The following MAL variants were observed in gnomAD, a reference collection of about 807,000 sequenced individuals.
The protein encoded by MAL is myelin and lymphocyte protein.
Under a neutral mutation model 16.7 loss-of-function variants are expected in MAL, and 5 were observed. The observed-to-expected ratio is 0.30, with a 90% CI of 0.16 to 0.63. The LOEUF is 0.63. Ranked by LOEUF, MAL falls within the 30% of genes least tolerant of loss-of-function variation. The probability of loss-of-function intolerance (pLI) is 0.82; values close to 1 mark genes in which losing one functional copy is unlikely to be tolerated. For missense variants in MAL, 202 were observed against 195.8 expected, an observed-to-expected ratio of 1.03 and a Z score of -0.19; for synonymous variants, 96 against 85.5, an observed-to-expected ratio of 1.12 and a Z score of -0.67.
intron 1 of MAL, among the ~76,000 whole-genome samples, chr2:95,038,837 T>C (rs1379002024): frequency 7.0e-6 from 1 of 142,564 alleles, no homozygotes; most frequent in Non-Finnish European, 1.5e-5. Context: ...AGTGAGCAAG[T>C]GAGTGAATGA....
chr2:95,045,266 G>A (rs1030231192), intron 1 of MAL, among the ~76,000 whole-genome samples: 3 of 152,158 alleles, frequency 2.0e-5, no homozygotes, highest in Admixed American at 2.0e-4. Flanking sequence ...ACCCGTAAGC[G>A]CCTCTGGCCC....
chr2:95,032,063 T>G (rs1030329246), intron 1 of MAL, among the ~76,000 whole-genome samples: 1 of 152,186 alleles, frequency 6.6e-6, no homozygotes, highest in African/African-American at 2.4e-5. Flanking sequence ...CATAAGTCAC[T>G]CCCCCACCTC....
At chr2:95,032,472 C>T (rs1182928800) in intron 1 of MAL, among the ~76,000 whole-genome samples, 1 of 152,172 alleles carries the variant, frequency 6.6e-6, no homozygotes, top group Non-Finnish European at 1.5e-5. Context: ...AGTGTCAGTG[C>T]CGGACATGGT....
At chr2:95,030,092 G>T (rs1674041648) in intron 1 of MAL, among the ~76,000 whole-genome samples, 1 of 152,148 alleles carries the variant, frequency 6.6e-6, no homozygotes, top group Non-Finnish European at 1.5e-5. Context: ...TGAGGGGACT[G>T]CCCACTGGAG....
intron 2 of MAL, among the ~76,000 whole-genome samples, chr2:95,048,420 G>A (rs1330535270): frequency 6.6e-6 from 1 of 152,130 alleles, no homozygotes; most frequent in African/African-American, 2.4e-5. Flanking sequence ...CCCGCCAGGT[G>A]CCTGCCTGCC....
intron 1 of MAL, among the ~76,000 whole-genome samples, chr2:95,039,111 T>A (rs7604716): frequency 0.99 from 141,046 of 142,870 alleles, 69,633 homozygotes; most frequent in Admixed American, 0.99. Flanking sequence ...TGAGTAAGTG[T>A]CTGAGTGACT....
intron 1 of MAL, among the ~76,000 whole-genome samples, chr2:95,028,365 G>T (rs1673998218): frequency 6.6e-6 from 1 of 151,842 alleles, no homozygotes; most frequent in East Asian, 1.9e-4. Flanking sequence ...TAAATAGAAA[G>T]AAAGAAATCA....
At chr2:95,049,768 G>T (rs2104361801) in intron 3 of MAL, 62 bp downstream of exon 3, 1 of 1,603,358 alleles carries the variant, frequency 6.2e-7, no homozygotes, top group East Asian at 2.2e-5. Context: ...CAGGGTGTGT[G>T]TGGAGGCTGC....
At chr2:95,026,064 C>T (rs1387447195) in intron 1 of MAL, among the ~76,000 whole-genome samples, 179 bp downstream of exon 1, 1 of 152,170 alleles carries the variant, frequency 6.6e-6, no homozygotes, top group Non-Finnish European at 1.5e-5. Flanking sequence ...TCCTTTGTGC[C>T]CTTCTAGACC....
chr2:95,047,676 C>T (rs1674621317), intron 1 of MAL, among the ~76,000 whole-genome samples: 1 of 152,124 alleles, frequency 6.6e-6, no homozygotes, highest in African/African-American at 2.4e-5. Context: ...AGCCACACGC[C>T]ACTGTACTCA....
intron 1 of MAL, among the ~76,000 whole-genome samples, chr2:95,037,380 GTGATTGAC>G (rs1674252304): frequency 1.3e-5 from 2 of 150,220 alleles, no homozygotes; most frequent in Admixed American, 1.3e-4. Context: ...GAGTGACTGA[GTGATTGAC>G]TGAGTGAGTG....
rs1674598352 is a variant in MAL at position 95,046,892 on chromosome 2, A to AAGAAAGAGAGAGAGAGAAAGAGAG, written c.94-1059_94-1036dup. 2.0e-5 allele frequency among the ~76,000 whole-genome samples: 3 copies of AAGAAAGAGAGAGAGAGAAAGAGAG among 151,172 alleles called. No individual in the cohort carries two copies. In the South Asian group the frequency reaches 6.3e-4, roughly 32 times the overall value. ...AAGAGAAAGGGAGAGAGAGAGAGAA[A>AAGAAAGAGAGAGAGAGAAAGAGAG]AGAAAGAGAGAGAGAGAAAGAGAGA... On this transcript the variant is annotated intron_variant, in intron 1 of 3. Transcript: ENST00000309988.
chr2:95,036,513 C>T (rs1674210330), intron 1 of MAL, among the ~76,000 whole-genome samples: 1 of 152,222 alleles, frequency 6.6e-6, no homozygotes, highest in African/African-American at 2.4e-5. Context: ...AGATGGGCTA[C>T]GTTCATTAAA....
At chr2:95,048,958 A>G (rs1373682602) in intron 2 of MAL, among the ~76,000 whole-genome samples, 2 of 152,160 alleles carry the variant, frequency 1.3e-5, no homozygotes, top group African/African-American at 2.4e-5. Flanking sequence ...CTGGGACTAC[A>G]GGCATGTGCC....
chr2:95,031,069 G>A (rs1458727848), intron 1 of MAL, among the ~76,000 whole-genome samples: 1 of 152,198 alleles, frequency 6.6e-6, no homozygotes, highest in Non-Finnish European at 1.5e-5. Context: ...TAGGAGACCA[G>A]AGACGTAGAA....
At chr2:95,050,729 T>C (rs1335472398) in intron 3 of MAL, among the ~76,000 whole-genome samples, 2 of 152,184 alleles carry the variant, frequency 1.3e-5, no homozygotes, top group Non-Finnish European at 1.5e-5. Flanking sequence ...GCTCCCAGCC[T>C]ACAATCGCTC....
intron 1 of MAL, among the ~76,000 whole-genome samples, chr2:95,036,235 CT>C (rs1156540634): frequency 6.6e-6 from 1 of 152,204 alleles, no homozygotes; most frequent in Non-Finnish European, 1.5e-5. Context: ...AGGGGTCAGA[CT>C]CCCAATAATC....
intron 3 of MAL, among the ~76,000 whole-genome samples, chr2:95,052,364 AC>A: frequency 6.6e-6 from 1 of 152,162 alleles, no homozygotes; most frequent in Admixed American, 6.5e-5. Context: ...TGGAATGCCC[AC>A]CTTTTATGGA....
intron 1 of MAL, among the ~76,000 whole-genome samples, chr2:95,041,835 A>T (rs566513021): frequency 6.6e-6 from 1 of 152,144 alleles, no homozygotes; most frequent in East Asian, 1.9e-4. Flanking sequence ...CACAAACATC[A>T]TTTCATTGGG....
Sources: gnomAD v4.1 joint callset for allele counts (sites outside exome capture counted in the v4.1 genomes callset) on GRCh38, gnomAD v4.1.1 for gene constraint, MANE v1.5 for transcripts, NCBI Gene and HGNC (gene_info 2026-07-23, HGNC 2026-07-21) for gene names.